The following SSB variants were observed in gnomAD, a reference collection of about 807,000 sequenced individuals.
The protein encoded by SSB is small RNA binding exonuclease protection factor La.
SSB carries 17 observed loss-of-function variants against 52.9 expected under a neutral mutation model. The observed-to-expected ratio is 0.32, with a 90% CI of 0.22 to 0.48. SSB has a LOEUF of 0.48. Ranked by LOEUF, SSB falls within the 20% of genes least tolerant of loss-of-function variation. The probability of loss-of-function intolerance (pLI) is 0.99; values close to 1 mark genes in which losing one functional copy is unlikely to be tolerated. For synonymous variants in SSB, 111 were observed against 152.1 expected (o/e 0.73, Z 1.99); for missense variants, 314 against 463.6 (o/e 0.68, Z 2.96).
At chr2:169,804,552 C>G (rs1268483545) in intron 2 of SSB, among the ~76,000 whole-genome samples, 1 of 151,618 alleles carries the variant, frequency 6.6e-6, no homozygotes, top group Non-Finnish European at 1.5e-5. Flanking sequence ...CCTGGCCCCC[C>G]ACCCCCTTTT....
chr2:169,811,324 G>T lies in SSB; in HGVS notation c.1138+1G>T. 1 of 1,568,902 alleles carries T rather than the reference G, an allele frequency of 6.4e-7. No homozygotes were observed. Among genetic ancestry groups the T allele is most frequent in the Non-Finnish European group, 8.6e-7 (1 of 1,164,600 alleles). On this transcript the variant is annotated splice_donor_variant, in intron 11 of 11. Transcript: ENST00000260956. LOFTEE classifies it high-confidence loss of function. ...GAACATGATGAAAATGGTGCAACTG[G>T]TAAGTTTTTTTTAAGTCCTTTGGTA...
intron 6 of SSB, 52 bp downstream of exon 6, chr2:169,807,123 A>G (rs1257938467): frequency 1.4e-6 from 2 of 1,466,684 alleles, no homozygotes; most frequent in East Asian, 2.3e-5. Context: ...ATGGACACAC[A>G]CTAGGGTAAG....
In SSB at chr2:169,810,845, G is replaced by C. The variant is rs1558973294; in HGVS notation, c.811-13G>C. Reference sequence around the variant, plus strand: ...ACCAAGGGTATGGCTTTTGTTTTCTGTCTCTGGTATAGGGGATAATTCTAT... The same window carrying C: ...ACCAAGGGTATGGCTTTTGTTTTCTCTCTCTGGTATAGGGGATAATTCTAT... On this transcript the variant is annotated splice_polypyrimidine_tract_variant and intron_variant, in intron 9 of 11. Transcript: ENST00000260956. The C allele has an allele frequency of 1.3e-6, 2 of 1,576,828 alleles. No individual in the cohort carries two copies. The highest frequency in any genetic ancestry group is 1.7e-6 in the Non-Finnish European group (2 of 1,168,332).
Position 169,806,772 on chromosome 2 carries a change from C to T in SSB, c.346-13C>T. 6.3e-7 allele frequency: 1 copy of T among 1,577,340 alleles called. No homozygotes were observed. The highest frequency in any genetic ancestry group is 8.6e-7 in the Non-Finnish European group (1 of 1,159,010). The stretch of plus-strand genomic sequence containing the variant: ...TTATTTGTTATTTGTACATTTCTTC[C>T]CACTCTTCACAGAAAGGCTTCCCAA... On this transcript the variant is annotated splice_polypyrimidine_tract_variant and intron_variant, in intron 4 of 11. Transcript: ENST00000260956.
Position 169,807,063 on chromosome 2 carries a change from A to T in SSB, c.546A>T (p.Ile182=). The change falls in exon 6 of 12, where the codon ATA becomes ATT. Residue 182 remains isoleucine, a synonymous_variant. Coordinates refer to ENST00000260956, the MANE Select transcript of SSB (RefSeq NM_003142.5). Reference sequence around the variant, plus strand: ...AGTACAAAGAAACAGACCTGCTAATACTTTTCAAGTAAGTCTTTTTGCTGA... The same window carrying T: ...AGTACAAAGAAACAGACCTGCTAATTCTTTTCAAGTAAGTCTTTTTGCTGA... ...GQKYKETDLL[I]LFKDDYFAKK... is the part of the protein sequence containing the mutation. The T allele has an allele frequency of 6.2e-7, 1 of 1,613,518 alleles. No homozygotes were observed. Among genetic ancestry groups the T allele is most frequent in the Non-Finnish European group, 8.5e-7 (1 of 1,179,740 alleles).
At position 169,805,858 on chromosome 2, in the gene SSB, C is replaced by G. The variant is rs776403191; in HGVS notation, c.345+19C>G. 1 of 1,595,734 alleles carries G rather than the reference C, an allele frequency of 6.3e-7. No individual in the cohort carries two copies. The highest frequency in any genetic ancestry group is 8.6e-7 in the Non-Finnish European group (1 of 1,168,516). On this transcript the variant is annotated intron_variant, in intron 4 of 11. Coordinates refer to ENST00000260956, the MANE Select transcript of SSB (RefSeq NM_003142.5). ...TTATATTGTAAGTGGGCCTGTAATGCATTTAAATATCTTACATTTATTTAG... is the reference window on the plus strand; with the variant it reads ...TTATATTGTAAGTGGGCCTGTAATGGATTTAAATATCTTACATTTATTTAG...
intron 1 of SSB, among the ~76,000 whole-genome samples, chr2:169,800,066 A>G (rs1250587214): frequency 6.6e-6 from 1 of 152,238 alleles, no homozygotes; most frequent in African/African-American, 2.4e-5. Context: ...TTAGTAAATT[A>G]GTAGGCATAC....
chr2:169,806,046 C>T, intron 4 of SSB: 1 of 606,036 alleles, frequency 1.7e-6, no homozygotes, highest in Non-Finnish European at 3.0e-6. Context: ...TCATGGCCCA[C>T]TGCAGTCTTG....
chr2:169,800,330 A>G (rs1263443670), intron 1 of SSB, among the ~76,000 whole-genome samples: 1 of 152,100 alleles, frequency 6.6e-6, no homozygotes, highest in Non-Finnish European at 1.5e-5. Context: ...CAGGAGTTCA[A>G]GACCAGTCTG....
intron 4 of SSB, 36 bp from the exon 5 acceptor site, chr2:169,806,749 A>G (rs762520178): frequency 6.7e-7 from 1 of 1,493,016 alleles, no homozygotes; most frequent in Non-Finnish European, 9.2e-7. Context: ...AGAAGTCATT[A>G]TTTGTTATTT....
intron 4 of SSB, 175 bp from the exon 5 acceptor site, chr2:169,806,610 T>C: frequency 2.0e-6 from 1 of 498,790 alleles, no homozygotes; most frequent in Non-Finnish European, 3.6e-6. Flanking sequence ...ATCACTTTTA[T>C]TGTACTGGAG....
chr2:169,811,014 CAAG>C lies in SSB; in HGVS notation c.970_972del (p.Glu324del). 1.9e-6 allele frequency: 3 copies of C among 1,611,490 alleles called. No homozygotes were observed. The highest frequency in any genetic ancestry group is 2.5e-6 in the Non-Finnish European group (3 of 1,179,470). On this transcript the variant is annotated inframe_deletion, in exon 10 of 12. Coordinates refer to ENST00000260956, the MANE Select transcript of SSB (RefSeq NM_003142.5). The stretch of plus-strand genomic sequence containing the variant: ...ACTGAAGAAAATAATAGAAGACCAA[CAAG>C]AATCCCTAAACAAATGGAAGTCAAA...
In SSB at chr2:169,808,561, T is replaced by C; in HGVS notation, c.626+8T>C. The C allele has an allele frequency of 2.5e-6, 4 of 1,596,826 alleles. No individual in the cohort carries two copies. The highest frequency in any genetic ancestry group is 3.4e-6 in the Non-Finnish European group (4 of 1,164,952). ...TAAATTAAGAGCTAAACAGTAAGTA[T>C]GTTGAACTAATCACGACATAATTTG... On this transcript the variant is annotated splice_region_variant and intron_variant, in intron 7 of 11. Transcript: ENST00000260956.
intron 10 of SSB, 45 bp downstream of exon 10, chr2:169,811,089 A>G (rs1689941020): frequency 2.5e-6 from 4 of 1,594,090 alleles, no homozygotes; most frequent in East Asian, 4.5e-5. Context: ...TGTTGAACCC[A>G]TTTACTTGAG....
At position 169,806,817 on chromosome 2, in the gene SSB, CAT is replaced by C. The variant is rs1423667090; in HGVS notation, c.380_381del (p.Ile127LysfsTer7). 6.2e-7 allele frequency: 1 copy of C among 1,612,750 alleles called. No homozygotes were observed. The highest frequency in any genetic ancestry group is 1.3e-5 in the African/African-American group (1 of 74,940). ...GFPTDATLDD[I>X]KEWLEDKGQV... The stretch of plus-strand genomic sequence containing the variant: ...TCCCAACTGATGCAACTCTTGATGA[CAT>C]AAAAGAATGGTTAGAAGATAAAGGT... On this transcript the variant is annotated frameshift_variant, in exon 5 of 12. Coordinates refer to ENST00000260956, the MANE Select transcript of SSB (RefSeq NM_003142.5). LOFTEE classifies it high-confidence loss of function.
intron 2 of SSB, among the ~76,000 whole-genome samples, chr2:169,804,689 G>C (rs1689789568): frequency 6.6e-6 from 1 of 152,162 alleles, no homozygotes; most frequent in South Asian, 2.1e-4. Context: ...GGGACTACAG[G>C]TGTGTGCCAC....
In SSB at chr2:169,811,898, T is replaced by C. The variant is rs1051408; in HGVS notation, c.*142T>C. The C allele has an allele frequency of 1.3e-6, 2 of 1,598,882 alleles. No homozygotes were observed. Among genetic ancestry groups the C allele is most frequent in the African/African-American group, 1.3e-5 (1 of 74,514 alleles). On this transcript the variant is annotated 3_prime_UTR_variant, in exon 12 of 12. Transcript: ENST00000260956. ...AAATTTTTTTGTTGTTTAACTTGTC[T>C]TTTTGTTATGCAAATGAGATTTCTT... is the stretch of plus-strand genomic sequence containing the variant.
At chr2:169,805,896 G>T (rs992294449) in intron 4 of SSB, 57 bp downstream of exon 4, 1 of 1,478,758 alleles carries the variant, frequency 6.8e-7, no homozygotes, top group Non-Finnish European at 9.3e-7. Context: ...AGTAAAGTAC[G>T]GAAGAATAAG....
chr2:169,801,011 C>G lies in SSB; in HGVS notation c.51C>G (p.Ile17Met). ...NEKMAALEAK[I>M]CHQIEYYFGD... Reference sequence around the variant, plus strand: ...AGATGGCTGCCCTGGAGGCCAAAATCTGTCATCAAATTGAGGTATGATTCC... The same window carrying G: ...AGATGGCTGCCCTGGAGGCCAAAATGTGTCATCAAATTGAGGTATGATTCC... Residue 17 changes from isoleucine (I) to methionine (M), a missense_variant, in exon 2 of 12, where the codon ATC becomes ATG. Transcript: ENST00000260956. 1.2e-6 allele frequency: 2 copies of G among 1,600,238 alleles called. No individual in the cohort carries two copies. Among genetic ancestry groups the G allele is most frequent in the Non-Finnish European group, 1.7e-6 (2 of 1,174,856 alleles).
Sources: gnomAD v4.1 joint callset for allele counts (sites outside exome capture counted in the v4.1 genomes callset) on GRCh38, gnomAD v4.1.1 for gene constraint, MANE v1.5 for transcripts, NCBI Gene and HGNC (gene_info 2026-07-23, HGNC 2026-07-21) for gene names.